STXBP5L: variants seen among roughly 807,000 people sequenced by gnomAD.
STXBP5L encodes the protein syntaxin binding protein 5L.
In STXBP5L, 65 loss-of-function variants were observed where a neutral mutation model predicts 144.5. The ratio of observed to expected loss-of-function variants is 0.45; its 90% CI spans 0.37 to 0.55. The LOEUF (loss-of-function observed/expected upper bound fraction) is 0.55, where lower values mean the gene tolerates loss of function less well. Among genes scored for constraint, STXBP5L ranks in the 20% least tolerant of loss-of-function variants. The probability of loss-of-function intolerance (pLI) is 0.00; values close to 1 mark genes in which losing one functional copy is unlikely to be tolerated. For synonymous variants in STXBP5L, 505 were observed against 469.6 expected, an observed-to-expected ratio of 1.08 and a Z score of -0.97; for missense variants, 1,298 against 1,405.5, an observed-to-expected ratio of 0.92 and a Z score of 1.22.
At chr3:121,363,409 T>G (rs1055621340) in intron 20 of STXBP5L, among the ~76,000 whole-genome samples, 3 of 152,194 alleles carry the variant, frequency 2.0e-5, no homozygotes, top group African/African-American at 7.2e-5. Flanking sequence ...TGGTGATGTT[T>G]CCACATACTC....
rs148200041 is a variant in STXBP5L at position 121,247,822 on chromosome 3, G to T, written c.1401-2901G>T. 5.3e-5 allele frequency among the ~76,000 whole-genome samples: 8 copies of T among 152,196 alleles called. No individual in the cohort carries two copies. The East Asian group carries it at 1.4e-3, about 26-fold the overall frequency. On this transcript the variant is annotated intron_variant, in intron 14 of 26. Coordinates refer to ENST00000471454, the MANE Select transcript of STXBP5L (RefSeq NM_001308330.2). The stretch of plus-strand genomic sequence containing the variant: ...TAGGTATAATGATTTATATTGCTTT[G>T]GTTATATACCCAGTAATGGGATTGC...
intron 3 of STXBP5L, among the ~76,000 whole-genome samples, chr3:121,016,298 A>G (rs531190756): frequency 6.6e-6 from 1 of 152,328 alleles, no homozygotes; most frequent in Admixed American, 6.5e-5. Context: ...AATTGTTAGA[A>G]AAGGAATTTA....
chr3:121,416,484 TTTATTTATTTATTTATTTATTTA>T (rs1205363724), intron 25 of STXBP5L, among the ~76,000 whole-genome samples: 7 of 72,206 alleles, frequency 9.7e-5, no homozygotes, highest in African/African-American at 1.8e-4. Context: ...TATTTATTTA[TTTATTTATTTATTTATTTATTTA>T]TTATTTATTT....
At chr3:121,060,887 GTCTA>G (rs1438620316) in intron 5 of STXBP5L, among the ~76,000 whole-genome samples, 5 of 152,188 alleles carry the variant, frequency 3.3e-5, no homozygotes, top group Admixed American at 6.5e-5. Flanking sequence ...CTGGCTAGCG[GTCTA>G]TCTATTTTGT....
At chr3:121,072,120 A>T (rs1281848829) in intron 5 of STXBP5L, among the ~76,000 whole-genome samples, 1 of 152,210 alleles carries the variant, frequency 6.6e-6, no homozygotes, top group Non-Finnish European at 1.5e-5. Flanking sequence ...CTGTTCCTAA[A>T]GTTAAAGGCA....
chr3:121,320,009 C>T (rs1318961523), intron 20 of STXBP5L, among the ~76,000 whole-genome samples: 1 of 152,096 alleles, frequency 6.6e-6, no homozygotes. Context: ...TATAGCTGTT[C>T]TACCTTTTTG....
intron 3 of STXBP5L, among the ~76,000 whole-genome samples, chr3:121,019,159 C>T (rs532857386): frequency 6.6e-6 from 1 of 152,140 alleles, no homozygotes; most frequent in African/African-American, 2.4e-5. Context: ...GTAATCCCCC[C>T]GGAATGTATC....
At chr3:121,336,933 A>T (rs755650820) in intron 20 of STXBP5L, among the ~76,000 whole-genome samples, 1 of 152,232 alleles carries the variant, frequency 6.6e-6, no homozygotes, top group African/African-American at 2.4e-5. Flanking sequence ...AAAAAGAATG[A>T]GATCATGTCC....
chr3:121,413,404 AT>A, intron 24 of STXBP5L, 81 bp downstream of exon 24: 1 of 1,282,336 alleles, frequency 7.8e-7, no homozygotes, highest in Non-Finnish European at 1.0e-6. Flanking sequence ...CAAAAATATT[AT>A]TAGGTCAGAC....
chr3:121,222,919 A>C (rs1338356222), intron 10 of STXBP5L, 84 bp from the exon 11 acceptor site: 100 of 1,454,362 alleles, frequency 6.9e-5, no homozygotes, highest in Middle Eastern at 2.3e-4. Flanking sequence ...TATGCAACAA[A>C]ACCTGTTCTT....
intron 5 of STXBP5L, among the ~76,000 whole-genome samples, chr3:121,047,933 T>A (rs1360536007): frequency 1.3e-5 from 2 of 152,134 alleles, no homozygotes; most frequent in Non-Finnish European, 2.9e-5. Flanking sequence ...TGTGGTTGCT[T>A]TATAGGGTCA....
intron 5 of STXBP5L, among the ~76,000 whole-genome samples, chr3:121,078,925 T>A (rs1443168312): frequency 6.6e-6 from 1 of 152,142 alleles, no homozygotes; most frequent in Non-Finnish European, 1.5e-5. Flanking sequence ...CAGTTCCCAC[T>A]TATGCCTCTC....
chr3:121,181,980 C>T (rs1249409346), intron 9 of STXBP5L, among the ~76,000 whole-genome samples: 2 of 151,452 alleles, frequency 1.3e-5, no homozygotes, highest in East Asian at 3.9e-4. Context: ...TACTACAATC[C>T]TAAATATATA....
chr3:121,251,463 G>T (rs2050023486), intron 15 of STXBP5L, among the ~76,000 whole-genome samples: 1 of 152,174 alleles, frequency 6.6e-6, no homozygotes, highest in Non-Finnish European at 1.5e-5. Context: ...TATTTTGATG[G>T]AGTTAACATT....
At chr3:120,978,638 C>G (rs1576551643) in intron 3 of STXBP5L, among the ~76,000 whole-genome samples, 1 of 150,548 alleles carries the variant, frequency 6.6e-6, no homozygotes, top group Non-Finnish European at 1.5e-5. Context: ...TTAGAGTTTC[C>G]AGTTTTTCTG....
chr3:121,225,947 G>T (rs1236216841), intron 11 of STXBP5L, among the ~76,000 whole-genome samples: 1 of 152,180 alleles, frequency 6.6e-6, no homozygotes, highest in Non-Finnish European at 1.5e-5. Context: ...GCTATGGCCT[G>T]TTGACAATAG....
At chr3:121,151,492 G>A (rs1188875019) in intron 7 of STXBP5L, among the ~76,000 whole-genome samples, 11 of 152,134 alleles carry the variant, frequency 7.2e-5, no homozygotes, top group Admixed American at 6.5e-4. Context: ...GTAAGATGTC[G>A]AGATAAGTGA....
At chr3:121,210,452 G>A (rs371275281) in intron 10 of STXBP5L, among the ~76,000 whole-genome samples, 2 of 151,826 alleles carry the variant, frequency 1.3e-5, no homozygotes, top group Non-Finnish European at 2.9e-5. Context: ...CCATTTGTCA[G>A]TTTTGGCTTT....
intron 10 of STXBP5L, among the ~76,000 whole-genome samples, chr3:121,215,409 A>G (rs1403120238): frequency 6.6e-6 from 1 of 152,052 alleles, no homozygotes; most frequent in Non-Finnish European, 1.5e-5. Flanking sequence ...TGGTGGCAAA[A>G]TCTCTCAGCA....
Sources: gnomAD v4.1 joint callset for allele counts (sites outside exome capture counted in the v4.1 genomes callset) on GRCh38, gnomAD v4.1.1 for gene constraint, MANE v1.5 for transcripts, NCBI Gene and HGNC (gene_info 2026-07-23, HGNC 2026-07-21) for gene names.